Variants in PARD6B observed in about 807,000 individuals in gnomAD.
PARD6B encodes the protein par-6 family cell polarity regulator beta.
A neutral mutation model predicts 10.5 loss-of-function variants in PARD6B; 4 were observed. The observed-to-expected ratio is 0.38, with a 90% CI of 0.19 to 0.87. PARD6B has a LOEUF of 0.87. Ranked by LOEUF, PARD6B falls within the 40% of genes least tolerant of loss-of-function variation. The pLI, the probability that PARD6B is intolerant of heterozygous loss-of-function variation, is 0.41. For synonymous variants in PARD6B, 169 were observed against 170.4 expected (o/e 0.99, Z 0.07); for missense variants, 396 against 470.6 (o/e 0.84, Z 1.47).
intron 2 of PARD6B, among the ~76,000 whole-genome samples, chr20:50,746,191 C>G (rs2087567077): frequency 6.6e-6 from 1 of 151,918 alleles, no homozygotes; most frequent in Non-Finnish European, 1.5e-5. Flanking sequence ...CCTCTATGAG[C>G]AAAGGAATGA....
intron 1 of PARD6B, among the ~76,000 whole-genome samples, chr20:50,732,673 G>A (rs1422354847): frequency 6.6e-6 from 1 of 152,200 alleles, no homozygotes; most frequent in Non-Finnish European, 1.5e-5. Flanking sequence ...CGTTTCTTGA[G>A]TTGAAGAGTT....
chr20:50,732,906 C>CA (rs11387842), intron 1 of PARD6B, among the ~76,000 whole-genome samples: 76,360 of 146,464 alleles, frequency 0.52, 19,615 homozygotes, highest in East Asian at 0.64. Flanking sequence ...ATATCAATTT[C>CA]AAAAAAAAAA....
rs1568999536 is a variant in PARD6B, at chr20:50,750,988, G to GTTTTTTTTTTTTTTTTTT, written c.*501_*502insTTTTTTTTTTTTTTTTTT. The GTTTTTTTTTTTTTTTTTT allele has an allele frequency of 3.2e-6, 1 of 312,234 alleles. No individual in the cohort carries two copies. 19.3% of individuals were successfully genotyped at this position (312,234 alleles called of 1,614,324 possible). A position where few individuals can be genotyped will look rare whatever the true frequency, so the allele number is the denominator to read the frequency against. ...TTTTTTTTTTTTTTTTTTTTTTTTA[G>GTTTTTTTTTTTTTTTTTT]TGACTGGGTCTCACTCTGTTGCCCA... On this transcript the variant is annotated 3_prime_UTR_variant, in exon 3 of 3. Transcript: ENST00000371610.
chr20:50,738,042 G>A lies in PARD6B; in HGVS notation c.252G>A (p.Thr84=), dbSNP rs775176290. 45 of 1,610,544 alleles carry A rather than the reference G, an allele frequency of 2.8e-5. No homozygotes were observed. The highest frequency in any genetic ancestry group is 8.4e-5 in the Admixed American group (5 of 59,252). ...NDDNYHKAVS[T]ANPLLRIFIQ... is the part of the protein sequence containing the mutation. ...ATAATTATCACAAAGCTGTTTCAAC[G>A]GCCAATCCACTGCTTAGGATATTTA... The change falls in exon 2 of 3, where the codon ACG becomes ACA. Residue 84 remains threonine, a synonymous_variant. Coordinates refer to ENST00000371610, the MANE Select transcript of PARD6B (RefSeq NM_032521.3).
Position 50,752,326 on chromosome 20 carries a change from T to G in PARD6B, c.*1838T>G, listed in dbSNP as rs1185885075. 1.1e-6 allele frequency: 1 copy of G among 929,948 alleles called. No homozygotes were observed. Among genetic ancestry groups the G allele is most frequent in the Non-Finnish European group, 1.2e-6 (1 of 809,854 alleles). The allele number at this position is 929,948 out of a possible 1,614,324, so 57.6% of individuals were successfully genotyped here. ...ACATAGGACAAACTTGTGCACTTTT[T>G]ATGCCAAAAAAAAAAAAAATTGGGT... On this transcript the variant is annotated 3_prime_UTR_variant, in exon 3 of 3. Coordinates refer to ENST00000371610, the MANE Select transcript of PARD6B (RefSeq NM_032521.3).
In PARD6B at chr20:50,738,080, G is replaced by GTAAGTATC; in HGVS notation, c.289+2_289+9dup. On this transcript the variant is annotated splice_donor_variant, in intron 2 of 2. Transcript: ENST00000371610. LOFTEE classifies it high-confidence loss of function. The stretch of plus-strand genomic sequence containing the variant: ...CTTAGGATATTTATACAAAAGAAGG[G>GTAAGTATC]TAAGTATCACTGTTTAGAAAAATTG... 6.3e-7 allele frequency: 1 copy of GTAAGTATC among 1,581,066 alleles called. No homozygotes were observed. The highest frequency in any genetic ancestry group is 8.6e-7 in the Non-Finnish European group (1 of 1,161,656).
intron 2 of PARD6B, among the ~76,000 whole-genome samples, chr20:50,741,155 G>A (rs1600816308): frequency 6.6e-6 from 1 of 151,768 alleles, no homozygotes; most frequent in Admixed American, 6.6e-5. Context: ...GAGATGGGGT[G>A]TCACCATGTT....
At chr20:50,745,932 T>G (rs1030682423) in intron 2 of PARD6B, among the ~76,000 whole-genome samples, 2 of 152,250 alleles carry the variant, frequency 1.3e-5, no homozygotes, top group African/African-American at 4.8e-5. Context: ...TAGAACATTT[T>G]AAAACATTAT....
intron 2 of PARD6B, among the ~76,000 whole-genome samples, chr20:50,738,537 A>C (rs554356474): frequency 2.0e-5 from 3 of 152,374 alleles, no homozygotes; most frequent in African/African-American, 7.2e-5. Flanking sequence ...AATCTTCCTG[A>C]GTCTCAATGT....
chr20:50,744,243 T>G (rs982230919), intron 2 of PARD6B, among the ~76,000 whole-genome samples: 3 of 150,042 alleles, frequency 2.0e-5, no homozygotes, highest in African/African-American at 7.4e-5. Flanking sequence ...TCCTCCCGAG[T>G]AGGTGGGATT....
chr20:50,748,436 A>G (rs1264226600), intron 2 of PARD6B, among the ~76,000 whole-genome samples: 4 of 152,250 alleles, frequency 2.6e-5, no homozygotes, highest in Admixed American at 2.0e-4. Context: ...CATCAATTAC[A>G]TTATCTGCCC....
In PARD6B at chr20:50,750,379, C is replaced by G. The variant is rs774219054; in HGVS notation, c.1010C>G (p.Ser337Cys). Residue 337 changes from serine (S) to cysteine (C), a missense_variant, in exon 3 of 3, where the codon TCT (serine) becomes TGT (cysteine). Around this residue, in one of 2 missense-constraint regions of PARD6B, gnomAD observed 188 missense variants for 169.7 expected, o/e 1.11. Coordinates refer to ENST00000371610, the MANE Select transcript of PARD6B (RefSeq NM_032521.3). ...TCTGGACAGAATGGCTTTATTCCCT[C>G]TAATGAAGTGAGCTTAGCAGCCATA... ...FESGQNGFIP[S>C]NEVSLAAIAS... 12 of 1,614,210 alleles carry G rather than the reference C, an allele frequency of 7.4e-6. No individual in the cohort carries two copies. The highest frequency in any genetic ancestry group is 9.3e-6 in the Non-Finnish European group (11 of 1,180,036).
intron 2 of PARD6B, among the ~76,000 whole-genome samples, chr20:50,740,724 CAG>C (rs1187472741): frequency 1.3e-5 from 2 of 152,072 alleles, no homozygotes; most frequent in Non-Finnish European, 2.9e-5. Context: ...GGCAATTCAA[CAG>C]AAATATTTTA....
At chr20:50,747,246 A>C (rs1039473059) in intron 2 of PARD6B, among the ~76,000 whole-genome samples, 4 of 152,186 alleles carry the variant, frequency 2.6e-5, no homozygotes, top group African/African-American at 7.2e-5. Flanking sequence ...CTTTCTGTGT[A>C]ACTTACGTTG....
intron 2 of PARD6B, among the ~76,000 whole-genome samples, chr20:50,746,066 G>GTT (rs5841809): frequency 4.3e-4 from 63 of 147,054 alleles, no homozygotes; most frequent in Non-Finnish European, 7.7e-4. Context: ...TTATGTAGAA[G>GTT]TTTTTTTTTT....
chr20:50,750,394 TAGC>T lies in PARD6B; in HGVS notation c.1029_1031del (p.Ala344del), dbSNP rs1490414767. 6.2e-7 allele frequency: 1 copy of T among 1,614,178 alleles called. No individual in the cohort carries two copies. Among genetic ancestry groups the T allele is most frequent in the South Asian group, 1.1e-5 (1 of 91,076 alleles). ...TTTATTCCCTCTAATGAAGTGAGCTTAGCAGCCATAGCAAGCAGCTCAAACACG... is the reference window on the plus strand; with the variant it reads ...TTTATTCCCTCTAATGAAGTGAGCTTAGCCATAGCAAGCAGCTCAAACACG... On this transcript the variant is annotated inframe_deletion, in exon 3 of 3. Transcript: ENST00000371610.
rs1430817685 is a variant in PARD6B, at chr20:50,750,223, A to G, written c.854A>G (p.Glu285Gly). 6.2e-7 allele frequency: 1 copy of G among 1,614,224 alleles called. No individual in the cohort carries two copies. Among genetic ancestry groups the G allele is most frequent in the South Asian group, 1.1e-5 (1 of 91,084 alleles). Residue 285 changes from glutamate to glycine, a missense_variant, in exon 3 of 3, where the codon GAG becomes GGG. Physicochemically the swap from Glu to Gly is moderately conservative, Grantham distance 98. Coordinates refer to ENST00000371610, the MANE Select transcript of PARD6B (RefSeq NM_032521.3). ...CCACAGCAGATTGAACCAAGCTTTG[A>G]GCCAGAGGATGAAGACAGCGAAGAA... Reference protein sequence around the residue: ...GYPQQIEPSFEPEDEDSEEDD... With the variant: ...GYPQQIEPSFGPEDEDSEEDD...
chr20:50,741,056 G>A (rs953006142), intron 2 of PARD6B, among the ~76,000 whole-genome samples: 2 of 151,440 alleles, frequency 1.3e-5, no homozygotes, highest in Non-Finnish European at 1.5e-5. Context: ...TGCTTCCCAG[G>A]TTCAAGTGAT....
chr20:50,744,385 A>G (rs2087552662), intron 2 of PARD6B, among the ~76,000 whole-genome samples: 2 of 151,948 alleles, frequency 1.3e-5, no homozygotes. Flanking sequence ...AAGTGCTGGG[A>G]TTACAAGTGT....
Sources: gnomAD v4.1 joint callset for allele counts (sites outside exome capture counted in the v4.1 genomes callset) on GRCh38, gnomAD v4.1.1 for gene constraint, gnomAD v4.1.1 regional missense constraint, MANE v1.5 for transcripts, NCBI Gene and HGNC (gene_info 2026-07-23, HGNC 2026-07-21) for gene names.